ZCWPW2: variants seen among roughly 807,000 people sequenced by gnomAD.
The protein encoded by ZCWPW2 is zinc finger CW-type and PWWP domain containing 2.
ZCWPW2 carries 45 observed loss-of-function variants against 46.6 expected under a neutral mutation model. The observed-to-expected ratio is 0.96, with a 90% CI of 0.76 to 1.24. The LOEUF is 1.24. Among genes scored for constraint, ZCWPW2 ranks in the 50% most tolerant of loss-of-function variants. ZCWPW2 has a pLI of 0.00. For synonymous variants in ZCWPW2, 152 were observed against 137.1 expected, an observed-to-expected ratio of 1.11 and a Z score of -0.76; for missense variants, 429 against 403.9, an observed-to-expected ratio of 1.06 and a Z score of -0.53.
chr3:28,435,049 A>G lies in ZCWPW2; in HGVS notation c.333-61A>G, dbSNP rs897983319. On this transcript the variant is annotated intron_variant, in intron 3 of 9. Transcript: ENST00000383768. ...GAGGAAGTTAATATGCGATTGATAG[A>G]CGTGTTGATGTCTACCTTTTTAAAA... 1.4e-5 allele frequency: 22 copies of G among 1,564,252 alleles called. No homozygotes were observed. The Admixed American group carries it at 2.5e-4, about 18-fold the overall frequency.
At chr3:28,423,154 G>C (rs1696862529) in intron 3 of ZCWPW2, among the ~76,000 whole-genome samples, 1 of 151,910 alleles carries the variant, frequency 6.6e-6, no homozygotes, top group Non-Finnish European at 1.5e-5. Flanking sequence ...TCTGTGGCTT[G>C]TCATCTTATT....
At chr3:28,469,722 A>G (rs1011692695) in intron 4 of ZCWPW2, among the ~76,000 whole-genome samples, 1 of 151,430 alleles carries the variant, frequency 6.6e-6, no homozygotes, top group African/African-American at 2.4e-5. Context: ...GTATATATAT[A>G]TGATATATAT....
chr3:28,489,678 A>G (rs62250303), intron 5 of ZCWPW2, among the ~76,000 whole-genome samples: 4 of 91,774 alleles, frequency 4.4e-5, no homozygotes, highest in Admixed American at 1.1e-4. Flanking sequence ...GCACACACAC[A>G]CACACACACA....
At chr3:28,440,587 G>A (rs1697710714) in intron 4 of ZCWPW2, among the ~76,000 whole-genome samples, 1 of 152,156 alleles carries the variant, frequency 6.6e-6, no homozygotes, top group South Asian at 2.1e-4. Context: ...CATTATAATT[G>A]TGACTTCACA....
intron 6 of ZCWPW2, among the ~76,000 whole-genome samples, chr3:28,502,013 C>T (rs1173527605): frequency 6.6e-6 from 1 of 152,032 alleles, no homozygotes; most frequent in Non-Finnish European, 1.5e-5. Flanking sequence ...ATGAGCCACC[C>T]ACATCCCACC....
chr3:28,465,099 C>T (rs1410450526), intron 4 of ZCWPW2, among the ~76,000 whole-genome samples: 1 of 151,942 alleles, frequency 6.6e-6, no homozygotes, highest in African/African-American at 2.4e-5. Flanking sequence ...TAGTTTTTAC[C>T]TTAGTTTTAC....
rs79265835 is a variant in ZCWPW2, at chr3:28,515,712, T to C, written c.784+91T>C. 5,850 of 1,076,294 alleles carry C rather than the reference T, an allele frequency of 5.4e-3. 263 individuals are homozygous for C. The African/African-American group carries it at 0.086, about 16-fold the overall frequency. The allele number at this position is 1,076,294 out of a possible 1,614,324, so 66.7% of individuals were successfully genotyped here. On this transcript the variant is annotated intron_variant, in intron 8 of 9. Coordinates refer to ENST00000383768, the MANE Select transcript of ZCWPW2 (RefSeq NM_001040432.4). ...AGTCCTTTGAAGGAAAAAAAAAGAT[T>C]TCCTGTGTGTGTGTGTGTGTGTGTG...
rs576801767 is a variant in ZCWPW2 at position 28,453,358 on chromosome 3, A to C, written c.492+18089A>C. Among the ~76,000 whole-genome samples, 11 of 152,292 alleles carry C rather than the reference A, an allele frequency of 7.2e-5. No homozygotes were observed. In the East Asian group the frequency reaches 2.1e-3, roughly 29 times the overall value. On this transcript the variant is annotated intron_variant, in intron 4 of 9. Transcript: ENST00000383768. ...TTTAGATAGCTGTGAACTTGTACTG[A>C]AGTTAAAAGTCCAAACTAAATAATA...
intron 1 of ZCWPW2, among the ~76,000 whole-genome samples, chr3:28,353,373 C>A (rs1298118405): frequency 1.3e-5 from 2 of 151,838 alleles, no homozygotes; most frequent in African/African-American, 2.4e-5. Flanking sequence ...TTTTGAAACA[C>A]TAAAATATAT....
intron 4 of ZCWPW2, among the ~76,000 whole-genome samples, chr3:28,476,074 C>T (rs540045032): frequency 6.6e-6 from 1 of 151,102 alleles, no homozygotes; most frequent in African/African-American, 2.4e-5. Context: ...TATAACTATT[C>T]CTAACATTCA....
chr3:28,356,799 AACAATGAGAACACTTGG>A (rs1340779777), intron 1 of ZCWPW2, among the ~76,000 whole-genome samples: 1 of 152,190 alleles, frequency 6.6e-6, no homozygotes, highest in African/African-American at 2.4e-5. Flanking sequence ...GTGGGAATTG[AACAATGAGAACACTTGG>A]ACACAGGGTA....
At chr3:28,503,414 C>G (rs1700201028) in intron 6 of ZCWPW2, among the ~76,000 whole-genome samples, 1 of 152,114 alleles carries the variant, frequency 6.6e-6, no homozygotes, top group Non-Finnish European at 1.5e-5. Flanking sequence ...TTTCCAACTT[C>G]AGACTCCACA....
At chr3:28,516,218 C>A (rs535854135) in intron 8 of ZCWPW2, among the ~76,000 whole-genome samples, 7 of 150,564 alleles carry the variant, frequency 4.6e-5, no homozygotes, top group Non-Finnish European at 1.0e-4. Context: ...CCAGCCTGGG[C>A]GACAGAACAA....
In ZCWPW2 at chr3:28,524,693, T is replaced by G. The variant is rs1283079645; in HGVS notation, c.*5T>G. On this transcript the variant is annotated 3_prime_UTR_variant, in exon 10 of 10. Transcript: ENST00000383768. ...GCTTTGATGTCTGAGTTTTAGAACA[T>G]TATACATTTTTCAAATTAATTATAA... The G allele has an allele frequency of 1.4e-5, 21 of 1,474,204 alleles. No individual in the cohort carries two copies. The highest frequency in any genetic ancestry group is 2.7e-6 in the Non-Finnish European group (3 of 1,105,998). 91.3% of individuals were successfully genotyped at this position (1,474,204 alleles called of 1,614,324 possible). A position where few individuals can be genotyped will look rare whatever the true frequency, so the allele number is the denominator to read the frequency against.
intron 1 of ZCWPW2, among the ~76,000 whole-genome samples, chr3:28,359,186 ATTG>A (rs1432976071): frequency 6.6e-6 from 1 of 152,088 alleles, no homozygotes; most frequent in Non-Finnish European, 1.5e-5. Flanking sequence ...TGCCACCCAA[ATTG>A]TTGTGTATTT....
chr3:28,485,944 T>G (rs971679331), intron 5 of ZCWPW2, among the ~76,000 whole-genome samples: 2 of 152,096 alleles, frequency 1.3e-5, no homozygotes, highest in African/African-American at 4.8e-5. Flanking sequence ...ACATATCAAT[T>G]ATCAATTATA....
At chr3:28,393,552 G>T (rs1465109772) in intron 2 of ZCWPW2, among the ~76,000 whole-genome samples, 1 of 151,922 alleles carries the variant, frequency 6.6e-6, no homozygotes, top group Non-Finnish European at 1.5e-5. Context: ...AAAATGCCAT[G>T]AAACCAAATT....
intron 4 of ZCWPW2, among the ~76,000 whole-genome samples, chr3:28,468,500 C>T (rs893517910): frequency 6.6e-5 from 10 of 152,096 alleles, no homozygotes; most frequent in African/African-American, 2.4e-4. Context: ...ACAAAGAAGA[C>T]TACTTCAGGG....
intron 2 of ZCWPW2, among the ~76,000 whole-genome samples, chr3:28,401,548 G>A (rs534625029): frequency 1.3e-5 from 2 of 152,220 alleles, no homozygotes; most frequent in African/African-American, 4.8e-5. Context: ...AGTCAACAAA[G>A]AAACAATGGT....
Sources: gnomAD v4.1 joint callset for allele counts (sites outside exome capture counted in the v4.1 genomes callset) on GRCh38, gnomAD v4.1.1 for gene constraint, MANE v1.5 for transcripts, NCBI Gene and HGNC (gene_info 2026-07-23, HGNC 2026-07-21) for gene names.